Variants in CNTN4 observed in about 807,000 individuals in gnomAD.
CNTN4 encodes contactin-4.
In CNTN4, 77 loss-of-function variants were observed where a neutral mutation model predicts 122.5. The ratio of observed to expected loss-of-function variants is 0.63; its 90% CI spans 0.52 to 0.76. The LOEUF is 0.76. Ranked by LOEUF, CNTN4 falls within the 30% of genes least tolerant of loss-of-function variation. CNTN4 has a pLI of 0.00. For missense variants in CNTN4, 1,256 were observed against 1,259.1 expected (o/e 1.00, Z 0.04); for synonymous variants, 512 against 447.0 (o/e 1.15, Z -1.83).
chr3:2,238,990 G>T (rs1407730382), intron 2 of CNTN4: 1 of 149,940 alleles, frequency 6.7e-6, no homozygotes, highest in South Asian at 2.2e-4. Flanking sequence ...CTCCCAAAGT[G>T]CTGGGATGAC....
At chr3:2,916,191 CTTTT>C (rs1333760250) in intron 12 of CNTN4, among the ~76,000 whole-genome samples, 2 of 151,424 alleles carry the variant, frequency 1.3e-5, no homozygotes, top group African/African-American at 2.4e-5. Flanking sequence ...CTTTTTTTTT[CTTTT>C]TCTTTTTTTC....
intron 4 of CNTN4, among the ~76,000 whole-genome samples, chr3:2,706,488 C>T (rs933522101): frequency 6.6e-6 from 1 of 152,104 alleles, no homozygotes; most frequent in African/African-American, 2.4e-5. Context: ...TTGCAATTTG[C>T]GATTTGCAAA....
chr3:2,861,835 A>G (rs141046059), intron 7 of CNTN4, among the ~76,000 whole-genome samples: 150 of 152,284 alleles, frequency 9.9e-4, no homozygotes, highest in African/African-American at 3.5e-3. Flanking sequence ...GTTGGATTTG[A>G]TGATCTACAT....
chr3:2,367,964 A>G (rs1477519262), intron 3 of CNTN4, among the ~76,000 whole-genome samples: 1 of 150,728 alleles, frequency 6.6e-6, no homozygotes, highest in Non-Finnish European at 1.5e-5. Flanking sequence ...TTAAGCATGA[A>G]CCTTCTCAGT....
At chr3:2,635,295 A>G (rs2082615665) in intron 4 of CNTN4, among the ~76,000 whole-genome samples, 1 of 152,200 alleles carries the variant, frequency 6.6e-6, no homozygotes, top group Non-Finnish European at 1.5e-5. Flanking sequence ...AGTGTGAGAT[A>G]TTGAGATACC....
chr3:2,444,353 G>A (rs1327069362), intron 3 of CNTN4, among the ~76,000 whole-genome samples: 1 of 152,150 alleles, frequency 6.6e-6, no homozygotes, highest in East Asian at 1.9e-4. Flanking sequence ...TGCTGTTCCG[G>A]AGAGTCCTCT....
At chr3:2,766,508 A>T (rs1224502800) in intron 6 of CNTN4, among the ~76,000 whole-genome samples, 1 of 152,208 alleles carries the variant, frequency 6.6e-6, no homozygotes, top group Non-Finnish European at 1.5e-5. Flanking sequence ...AAAACCAAAC[A>T]TCGTATATTT....
chr3:2,583,081 T>C (rs1335074691), intron 4 of CNTN4, among the ~76,000 whole-genome samples: 2 of 152,148 alleles, frequency 1.3e-5, no homozygotes, highest in Non-Finnish European at 2.9e-5. Context: ...ATGCGTGACA[T>C]CTATACCAGA....
chr3:3,009,241 C>G (rs1689738505), intron 14 of CNTN4, among the ~76,000 whole-genome samples: 1 of 152,172 alleles, frequency 6.6e-6, no homozygotes, highest in Non-Finnish European at 1.5e-5. Context: ...GGCCAGCCTA[C>G]AGGAGATCAG....
chr3:2,405,636 T>C (rs2047009751), intron 3 of CNTN4, among the ~76,000 whole-genome samples: 2 of 146,536 alleles, frequency 1.4e-5, no homozygotes, highest in African/African-American at 5.0e-5. Context: ...GATAGATAGA[T>C]AGGAGTCAAG....
chr3:2,788,331 GTATGA>G (rs2091905050), intron 6 of CNTN4, among the ~76,000 whole-genome samples: 1 of 152,108 alleles, frequency 6.6e-6, no homozygotes, highest in African/African-American at 2.4e-5. Context: ...TCATTTCACT[GTATGA>G]TATAATTTGG....
At chr3:2,520,941 A>T (rs1221525937) in intron 3 of CNTN4, among the ~76,000 whole-genome samples, 4 of 152,158 alleles carry the variant, frequency 2.6e-5, no homozygotes. Context: ...CAGAGATAGA[A>T]AATGAACAAT....
At chr3:2,532,422 C>T (rs1297140708) in intron 3 of CNTN4, among the ~76,000 whole-genome samples, 3 of 151,966 alleles carry the variant, frequency 2.0e-5, no homozygotes, top group Admixed American at 2.0e-4. Context: ...ATCCATCTAA[C>T]TTATGACAGG....
At chr3:2,668,797 C>T (rs1046391406) in intron 4 of CNTN4, among the ~76,000 whole-genome samples, 4 of 152,138 alleles carry the variant, frequency 2.6e-5, no homozygotes, top group African/African-American at 9.7e-5. Context: ...GAGTTTTTAG[C>T]ATGAAGGGCT....
At chr3:2,490,206 C>T (rs1260931889) in intron 3 of CNTN4, among the ~76,000 whole-genome samples, 1 of 152,110 alleles carries the variant, frequency 6.6e-6, no homozygotes, top group Non-Finnish European at 1.5e-5. Context: ...GGCTTTTCCC[C>T]TTGAAAGGCA....
chr3:2,588,401 C>T (rs1245653732), intron 4 of CNTN4, among the ~76,000 whole-genome samples: 2 of 152,096 alleles, frequency 1.3e-5, no homozygotes, highest in East Asian at 3.9e-4. Context: ...GAGCCTCGCA[C>T]TATTGTCTGG....
intron 2 of CNTN4, among the ~76,000 whole-genome samples, chr3:2,194,677 GCAT>G (rs924263855): frequency 6.6e-6 from 1 of 152,104 alleles, no homozygotes; most frequent in African/African-American, 2.4e-5. Context: ...AATATGATTG[GCAT>G]CATTATAAGG....
intron 2 of CNTN4, among the ~76,000 whole-genome samples, chr3:2,325,323 C>A (rs1283833183): frequency 2.0e-5 from 3 of 152,088 alleles, no homozygotes; most frequent in Non-Finnish European, 4.4e-5. Flanking sequence ...ATTGAACATG[C>A]TATTTATGTT....
At chr3:2,941,118 A>G (rs2094610759) in intron 13 of CNTN4, among the ~76,000 whole-genome samples, 1 of 152,196 alleles carries the variant, frequency 6.6e-6, no homozygotes, top group South Asian at 2.1e-4. Context: ...ATGCAATTTA[A>G]AATTACTATT....
Sources: allele counts gnomAD v4.1 joint callset (sites outside exome capture counted in the v4.1 genomes callset), GRCh38; gene constraint gnomAD v4.1.1; transcripts MANE v1.5; gene names NCBI Gene and HGNC (gene_info 2026-07-23, HGNC 2026-07-21).